Variants in ENOX1 observed in about 807,000 individuals in gnomAD.
The protein encoded by ENOX1 is ecto-NOX disulfide-thiol exchanger 1, also known as candidate growth-related and time keeping constitutive hydroquinone (NADH) oxidase.
Under a neutral mutation model 82.5 loss-of-function variants are expected in ENOX1, and 42 were observed. That is an observed-to-expected ratio of 0.51 (90% CI 0.40 to 0.66). The LOEUF (loss-of-function observed/expected upper bound fraction) is 0.66. Among genes scored for constraint, ENOX1 ranks in the 30% least tolerant of loss-of-function variants. The pLI is 0.00. For synonymous variants in ENOX1, 271 were observed against 282.2 expected, an observed-to-expected ratio of 0.96 and a Z score of 0.40; for missense variants, 608 against 811.6, an observed-to-expected ratio of 0.75 and a Z score of 3.05.
At chr13:43,541,334 AC>A (rs2078718236) in intron 2 of ENOX1, among the ~76,000 whole-genome samples, 1 of 151,848 alleles carries the variant, frequency 6.6e-6, no homozygotes, top group South Asian at 2.1e-4. Context: ...CCTCATCTCT[AC>A]AAAAACAATT....
chr13:43,579,051 T>C (rs1043760547), intron 2 of ENOX1, among the ~76,000 whole-genome samples: 1 of 152,048 alleles, frequency 6.6e-6, no homozygotes, highest in Non-Finnish European at 1.5e-5. Flanking sequence ...CTACTTAACC[T>C]TCTTATGACT....
intron 3 of ENOX1, among the ~76,000 whole-genome samples, chr13:43,423,831 A>T (rs2055125909): frequency 2.6e-5 from 4 of 152,160 alleles, no homozygotes; most frequent in Admixed American, 2.0e-4. Flanking sequence ...CCCTGGTCAA[A>T]TTTTTTCTGT....
At chr13:43,423,991 C>T (rs7993265) in intron 3 of ENOX1, among the ~76,000 whole-genome samples, 6,548 of 152,178 alleles carry the variant, frequency 0.043, 484 homozygotes, top group African/African-American at 0.15. Flanking sequence ...AGGAAAGAGT[C>T]GTCTTGAGGA....
chr13:43,402,183 AT>A (rs1464632920), intron 5 of ENOX1, among the ~76,000 whole-genome samples: 1 of 152,206 alleles, frequency 6.6e-6, no homozygotes, highest in Non-Finnish European at 1.5e-5. Context: ...CATAACCATG[AT>A]AAAGAAAGAC....
At chr13:43,747,624 C>A (rs949570803) in intron 1 of ENOX1, among the ~76,000 whole-genome samples, 1 of 152,220 alleles carries the variant, frequency 6.6e-6, no homozygotes, top group South Asian at 2.1e-4. Context: ...CAGGCCCAGG[C>A]AGAATCCTCT....
chr13:43,471,607 G>A (rs749356614), intron 3 of ENOX1, among the ~76,000 whole-genome samples: 10 of 151,958 alleles, frequency 6.6e-5, no homozygotes, highest in Admixed American at 1.3e-4. Flanking sequence ...TCAGGAGATC[G>A]AGACCATTCT....
chr13:43,682,854 G>A (rs921278678), intron 1 of ENOX1, among the ~76,000 whole-genome samples: 2 of 151,998 alleles, frequency 1.3e-5, no homozygotes, highest in African/African-American at 4.8e-5. Context: ...TTCTGTAAAA[G>A]AAAAAAAGGC....
chr13:43,748,352 A>C (rs1271239795), intron 1 of ENOX1, among the ~76,000 whole-genome samples: 1 of 152,242 alleles, frequency 6.6e-6, no homozygotes, highest in Non-Finnish European at 1.5e-5. Flanking sequence ...CCATTACTTG[A>C]AGCACTTTTA....
chr13:43,688,528 G>T (rs1349445190), intron 1 of ENOX1, among the ~76,000 whole-genome samples: 1 of 152,198 alleles, frequency 6.6e-6, no homozygotes, highest in African/African-American at 2.4e-5. Flanking sequence ...CTGCTGTTTA[G>T]TGAGAAAGTG....
At chr13:43,286,602 C>A (rs1265838337) in intron 12 of ENOX1, among the ~76,000 whole-genome samples, 2 of 152,104 alleles carry the variant, frequency 1.3e-5, no homozygotes. Flanking sequence ...TGTCTGCTAG[C>A]CTCATTATTT....
chr13:43,578,521 T>C (rs2080547768), intron 2 of ENOX1, among the ~76,000 whole-genome samples: 1 of 152,168 alleles, frequency 6.6e-6, no homozygotes, highest in Non-Finnish European at 1.5e-5. Context: ...TATAATGAAA[T>C]TTATCCTCAG....
At position 43,766,704 on chromosome 13, in the gene ENOX1, A is replaced by G. The variant is rs371036983; in HGVS notation, c.-285+19948T>C. Among the ~76,000 whole-genome samples, 7 of 152,334 alleles carry G rather than the reference A, an allele frequency of 4.6e-5. No individual in the cohort carries two copies. In the East Asian group the frequency reaches 1.2e-3, roughly 25 times the overall value. On this transcript the variant is annotated intron_variant, in intron 1 of 16. Coordinates refer to ENST00000690772, the MANE Select transcript of ENOX1 (RefSeq NM_001347969.2). Reference sequence around the variant, plus strand: ...CCCATTGCTCAGAAGAGTAAAATAGACTTGGTTTCTAAATTTGTAGACACA... The same window carrying G: ...CCCATTGCTCAGAAGAGTAAAATAGGCTTGGTTTCTAAATTTGTAGACACA...
At chr13:43,566,884 T>A (rs1481857871) in intron 2 of ENOX1, among the ~76,000 whole-genome samples, 1 of 152,124 alleles carries the variant, frequency 6.6e-6, no homozygotes, top group Non-Finnish European at 1.5e-5. Context: ...CATTATTATT[T>A]TCGGAGTTAG....
intron 14 of ENOX1, among the ~76,000 whole-genome samples, chr13:43,237,392 T>C (rs574245904): frequency 6.6e-6 from 1 of 152,360 alleles, no homozygotes; most frequent in South Asian, 2.1e-4. Context: ...ATTTAACTCA[T>C]ATCATCCTAG....
At chr13:43,669,269 G>A (rs1009627811) in intron 1 of ENOX1, among the ~76,000 whole-genome samples, 1 of 152,196 alleles carries the variant, frequency 6.6e-6, no homozygotes, top group African/African-American at 2.4e-5. Context: ...GCCCTGCTGG[G>A]AGTAATTGAA....
At chr13:43,755,711 C>T (rs1382509267) in intron 1 of ENOX1, among the ~76,000 whole-genome samples, 1 of 152,070 alleles carries the variant, frequency 6.6e-6, no homozygotes, top group Non-Finnish European at 1.5e-5. Flanking sequence ...AAAACATTTT[C>T]AACAAAAATA....
chr13:43,252,643 T>C (rs1593540911), intron 14 of ENOX1, among the ~76,000 whole-genome samples: 1 of 152,294 alleles, frequency 6.6e-6, no homozygotes, highest in East Asian at 1.9e-4. Context: ...AGATAAACAT[T>C]GAGGTGCAGT....
At chr13:43,560,950 T>C (rs1179306483) in intron 2 of ENOX1, among the ~76,000 whole-genome samples, 1 of 152,148 alleles carries the variant, frequency 6.6e-6, no homozygotes, top group African/African-American at 2.4e-5. Context: ...CACAAAGTGG[T>C]TGCTCCTTGT....
At chr13:43,602,273 G>C (rs1398563529) in intron 2 of ENOX1, among the ~76,000 whole-genome samples, 2 of 151,674 alleles carry the variant, frequency 1.3e-5, no homozygotes, top group African/African-American at 4.8e-5. Context: ...TACTATATGA[G>C]GATATTTTAT....
Sources: gnomAD v4.1 joint callset for allele counts (sites outside exome capture counted in the v4.1 genomes callset) on GRCh38, gnomAD v4.1.1 for gene constraint, MANE v1.5 for transcripts, NCBI Gene and HGNC (gene_info 2026-07-23, HGNC 2026-07-21) for gene names.